The following PTPRD variants were observed in gnomAD, a reference collection of about 807,000 sequenced individuals.
PTPRD encodes the protein protein tyrosine phosphatase receptor type D, also known as receptor-type tyrosine-protein phosphatase delta.
In PTPRD, 34 loss-of-function variants were observed where a neutral mutation model predicts 214.5. The ratio of observed to expected loss-of-function variants is 0.16; its 90% CI spans 0.12 to 0.21. The LOEUF is 0.21. Ranked by LOEUF, PTPRD falls within the 10% of genes least tolerant of loss-of-function variation. The pLI is 1.00. For missense variants in PTPRD, 2,545 were observed against 2,398.7 expected, an observed-to-expected ratio of 1.06 and a Z score of -1.27; for synonymous variants, 1,128 against 845.7, an observed-to-expected ratio of 1.33 and a Z score of -5.79.
chr9:10,609,712 T>A (rs571461718), intron 2 of PTPRD, among the ~76,000 whole-genome samples: 1 of 152,250 alleles, frequency 6.6e-6, no homozygotes. Flanking sequence ...AAGTTATGAA[T>A]AGCTCAACCT....
intron 14 of PTPRD, among the ~76,000 whole-genome samples, chr9:8,625,511 T>A (rs894520196): frequency 6.6e-6 from 1 of 151,844 alleles, no homozygotes; most frequent in Non-Finnish European, 1.5e-5. Flanking sequence ...TTCATTTTTT[T>A]AATAGCTCTT....
At chr9:10,193,554 G>T (rs370388870) in intron 3 of PTPRD, among the ~76,000 whole-genome samples, 2,179 of 152,250 alleles carry the variant, frequency 0.014, 54 homozygotes, top group African/African-American at 0.049. Flanking sequence ...GCAGTATTTT[G>T]TGAACGGATA....
intron 3 of PTPRD, among the ~76,000 whole-genome samples, chr9:10,231,691 C>A (rs1201073975): frequency 6.6e-6 from 1 of 151,856 alleles, no homozygotes; most frequent in Non-Finnish European, 1.5e-5. Flanking sequence ...TGATTTTTGG[C>A]TAGCCATTTA....
At chr9:8,857,651 CCCCGGGCAGCCGCCGCCACCGCCT>C (rs1247389032) in intron 11 of PTPRD, 1 of 157,346 alleles carries the variant, frequency 6.4e-6, no homozygotes, top group Non-Finnish European at 1.4e-5. Context: ...GTCATGTTGG[CCCCGGGCAGCCGCCGCCACCGCCT>C]CCCGCGCCGC....
intron 37 of PTPRD, among the ~76,000 whole-genome samples, chr9:8,380,771 C>T (rs1314467667): frequency 6.6e-6 from 1 of 152,070 alleles, no homozygotes; most frequent in African/African-American, 2.4e-5. Context: ...GGCTCTCGTT[C>T]TAGGCTATTT....
At chr9:10,418,408 G>C (rs532356383) in intron 2 of PTPRD, among the ~76,000 whole-genome samples, 165 of 147,690 alleles carry the variant, frequency 1.1e-3, no homozygotes, top group Non-Finnish European at 1.3e-3. Flanking sequence ...TCTACTAGTG[G>C]GGCCTTCCTT....
At chr9:10,397,511 T>C (rs1385088238) in intron 2 of PTPRD, among the ~76,000 whole-genome samples, 1 of 151,974 alleles carries the variant, frequency 6.6e-6, no homozygotes, top group Non-Finnish European at 1.5e-5. Context: ...ATTGACACAG[T>C]TTTAAAATTA....
At chr9:10,240,286 T>C (rs577496684) in intron 3 of PTPRD, among the ~76,000 whole-genome samples, 3 of 151,970 alleles carry the variant, frequency 2.0e-5, no homozygotes, top group Non-Finnish European at 4.4e-5. Context: ...AACTATCAAA[T>C]ACACTTGCTA....
At chr9:9,831,947 T>G (rs117609045) in intron 5 of PTPRD, among the ~76,000 whole-genome samples, 1 of 151,946 alleles carries the variant, frequency 6.6e-6, no homozygotes. Flanking sequence ...GCGAATCTCA[T>G]TAAGTGGCAT....
chr9:8,549,307 T>A (rs1236766382), intron 14 of PTPRD, among the ~76,000 whole-genome samples: 1 of 152,130 alleles, frequency 6.6e-6, no homozygotes, highest in East Asian at 1.9e-4. Flanking sequence ...CTTAGTTCCT[T>A]CGTGAATGAT....
chr9:10,527,225 T>C (rs771052380), intron 2 of PTPRD, among the ~76,000 whole-genome samples: 2 of 152,176 alleles, frequency 1.3e-5, no homozygotes, highest in Non-Finnish European at 2.9e-5. Flanking sequence ...CAGATAAATA[T>C]GCTCGCAAGT....
At chr9:9,634,106 C>A (rs2095678914) in intron 7 of PTPRD, among the ~76,000 whole-genome samples, 1 of 152,006 alleles carries the variant, frequency 6.6e-6, no homozygotes, top group Non-Finnish European at 1.5e-5. Flanking sequence ...TTCATCTTGA[C>A]AAAAGCAGCT....
chr9:10,351,929 C>A lies in PTPRD; in HGVS notation c.-599-10912G>T, dbSNP rs186584764. Among the ~76,000 whole-genome samples, 3 of 151,958 alleles carry A rather than the reference C, an allele frequency of 2.0e-5. No homozygotes were observed. The East Asian group carries it at 5.8e-4, about 30-fold the overall frequency. On this transcript the variant is annotated intron_variant, in intron 2 of 45. Coordinates refer to ENST00000381196, the MANE Select transcript of PTPRD (RefSeq NM_002839.4). Reference sequence around the variant, plus strand: ...GCAAACCTCCTTAGGAAAATGTGCCCTAAAAACAGACCGAGTTTTGAGTCA... The same window carrying A: ...GCAAACCTCCTTAGGAAAATGTGCCATAAAAACAGACCGAGTTTTGAGTCA...
rs1555236428 is a variant in PTPRD, at chr9:9,864,339, A to AC, written c.-368+74167_-368+74168insG. On this transcript the variant is annotated intron_variant, in intron 5 of 45. Coordinates refer to ENST00000381196, the MANE Select transcript of PTPRD (RefSeq NM_002839.4). ...GAAAAAGAGAAAGATTAAAAAAAAAAAAAGTTTTGTGGGATATACAGATAT... is the reference window on the plus strand; with the variant it reads ...GAAAAAGAGAAAGATTAAAAAAAAAACAAAGTTTTGTGGGATATACAGATAT... Among the ~76,000 whole-genome samples, 1,199 of 151,852 alleles carry AC rather than the reference A, an allele frequency of 7.9e-3. 24 individuals are homozygous for AC. The highest frequency in any genetic ancestry group is 0.027 in the African/African-American group (1,129 of 41,234).
chr9:9,146,138 C>T (rs1056528977), intron 10 of PTPRD, among the ~76,000 whole-genome samples: 2 of 152,214 alleles, frequency 1.3e-5, no homozygotes, highest in Non-Finnish European at 2.9e-5. Flanking sequence ...GTGATAATTT[C>T]TCATGCTGAA....
intron 8 of PTPRD, among the ~76,000 whole-genome samples, chr9:9,412,619 C>T (rs1462703156): frequency 6.6e-6 from 1 of 152,182 alleles, no homozygotes; most frequent in Non-Finnish European, 1.5e-5. Context: ...ACTCTCACTC[C>T]ACCAACTCCA....
chr9:8,919,262 G>A (rs894618850), intron 11 of PTPRD, among the ~76,000 whole-genome samples: 2 of 151,922 alleles, frequency 1.3e-5, no homozygotes, highest in Admixed American at 6.6e-5. Context: ...GCGTGGTGGT[G>A]CACACCTGTA....
chr9:10,507,360 A>C (rs2046354524), intron 2 of PTPRD, among the ~76,000 whole-genome samples: 1 of 152,140 alleles, frequency 6.6e-6, no homozygotes, highest in Non-Finnish European at 1.5e-5. Flanking sequence ...TATCATGAAA[A>C]TGGCCATATT....
At chr9:10,582,248 A>C (rs955196976) in intron 2 of PTPRD, among the ~76,000 whole-genome samples, 2 of 152,118 alleles carry the variant, frequency 1.3e-5, no homozygotes, top group Non-Finnish European at 1.5e-5. Flanking sequence ...TCAGTTTTTG[A>C]TCAATAAAGA....
Sources: allele counts gnomAD v4.1 joint callset (sites outside exome capture counted in the v4.1 genomes callset), GRCh38; gene constraint gnomAD v4.1.1; transcripts MANE v1.5; gene names NCBI Gene and HGNC (gene_info 2026-07-23, HGNC 2026-07-21).